The following CLEC2L variants were observed in gnomAD, a reference collection of about 807,000 sequenced individuals.
CLEC2L encodes the protein C-type lectin domain family 2 member L.
A neutral mutation model predicts 23.6 loss-of-function variants in CLEC2L; 14 were observed. The ratio of observed to expected loss-of-function variants is 0.59; its 90% CI spans 0.39 to 0.93. The LOEUF (loss-of-function observed/expected upper bound fraction) is 0.93, where lower values mean the gene tolerates loss of function less well. CLEC2L is among the 40% of genes least tolerant of loss of function. The pLI is 0.00. For synonymous variants in CLEC2L, 114 were observed against 121.3 expected (o/e 0.94, Z 0.40); for missense variants, 264 against 282.4 (o/e 0.93, Z 0.47).
chr7:139,524,026 C>A lies in CLEC2L; in HGVS notation c.99C>A (p.Pro33=). Residue 33 remains proline (P), a synonymous_variant, in exon 1 of 5, where the codon CCC becomes CCA. Coordinates refer to ENST00000422142, the MANE Select transcript of CLEC2L (RefSeq NM_001080511.4). The part of the protein sequence containing the change: ...PAPAAPRPRS[P]AEAEARGPEG... ...CCGCCGCCCCCAGGCCGCGTTCGCC[C>A]GCAGAGGCTGAGGCCCGCGGCCCCG... 2.6e-6 allele frequency: 3 copies of A among 1,174,346 alleles called. No individual in the cohort carries two copies. Among genetic ancestry groups the A allele is most frequent in the Non-Finnish European group, 3.2e-6 (3 of 950,250 alleles). 72.7% of individuals were successfully genotyped at this position (1,174,346 alleles called of 1,614,324 possible).
intron 4 of CLEC2L, among the ~76,000 whole-genome samples, chr7:139,543,109 C>T (rs1437905085): frequency 6.6e-6 from 1 of 152,114 alleles, no homozygotes; most frequent in Non-Finnish European, 1.5e-5. Flanking sequence ...CATCAGCTGC[C>T]CTCCCACCTG....
intron 1 of CLEC2L, among the ~76,000 whole-genome samples, chr7:139,530,511 C>G (rs1202707049): frequency 2.0e-5 from 3 of 152,088 alleles, no homozygotes. Flanking sequence ...GAGGTGAAAT[C>G]TCTCAAGAAA....
At chr7:139,526,259 C>T (rs1268014791) in intron 1 of CLEC2L, among the ~76,000 whole-genome samples, 1 of 152,066 alleles carries the variant, frequency 6.6e-6, no homozygotes, top group Non-Finnish European at 1.5e-5. Context: ...GAAAGGTGTC[C>T]CAGACCCAGA....
chr7:139,542,672 C>T (rs182102647), intron 4 of CLEC2L, among the ~76,000 whole-genome samples: 1 of 152,334 alleles, frequency 6.6e-6, no homozygotes, highest in Admixed American at 6.5e-5. Flanking sequence ...CTGGCGAACG[C>T]ATCTCTTGAT....
intron 4 of CLEC2L, 94 bp from the exon 5 acceptor site, chr7:139,544,137 G>T (rs1797774786): frequency 1.2e-6 from 1 of 813,924 alleles, no homozygotes; most frequent in Non-Finnish European, 2.0e-6. Flanking sequence ...GTGAGGGAGG[G>T]ATAGGTCACA....
At chr7:139,538,055 A>G (rs1401660326) in intron 2 of CLEC2L, among the ~76,000 whole-genome samples, 1 of 152,220 alleles carries the variant, frequency 6.6e-6, no homozygotes, top group Non-Finnish European at 1.5e-5. Flanking sequence ...AAAATGGCGG[A>G]AAAGTCCACC....
intron 1 of CLEC2L, among the ~76,000 whole-genome samples, chr7:139,527,535 T>C (rs1015060525): frequency 6.6e-6 from 1 of 152,212 alleles, no homozygotes; most frequent in Admixed American, 6.5e-5. Flanking sequence ...ATCAAGTCTT[T>C]TCTCTCGCTG....
At chr7:139,533,948 C>G (rs532048865) in intron 1 of CLEC2L, among the ~76,000 whole-genome samples, 25 of 152,198 alleles carry the variant, frequency 1.6e-4, no homozygotes, top group African/African-American at 5.8e-4. Flanking sequence ...AAAACACTTT[C>G]AAAGTGGGGG....
intron 2 of CLEC2L, among the ~76,000 whole-genome samples, chr7:139,536,996 A>C (rs1008708994): frequency 2.0e-5 from 3 of 151,572 alleles, no homozygotes; most frequent in African/African-American, 7.3e-5. Flanking sequence ...AAAAAAAAAA[A>C]AAAAGATCAC....
rs1162840060 is a variant in CLEC2L, at chr7:139,523,780, C to T, written c.-148C>T. On this transcript the variant is annotated 5_prime_UTR_variant, in exon 1 of 5. Transcript: ENST00000422142. This position sits in a 1 kb window ranked among gnomAD's most constrained non-coding sequence, Gnocchi z 4.1. ...AGAGGCTCCAGCGCGGGGAGCCGGG[C>T]TCAGCCCCGGCCTGCCAGCGCCGCG... 2.6e-6 allele frequency: 1 copy of T among 385,562 alleles called. No homozygotes were observed. The highest frequency in any genetic ancestry group is 2.2e-5 in the African/African-American group (1 of 45,766). The allele number at this position is 385,562 out of a possible 1,614,324, so 23.9% of individuals were successfully genotyped here.
At chr7:139,532,774 C>T (rs1357313159) in intron 1 of CLEC2L, among the ~76,000 whole-genome samples, 1 of 152,152 alleles carries the variant, frequency 6.6e-6, no homozygotes, top group South Asian at 2.1e-4. Flanking sequence ...GTCAGCAAGC[C>T]AGGAAGTGGG....
chr7:139,526,025 C>T (rs1230792307), intron 1 of CLEC2L, among the ~76,000 whole-genome samples: 1 of 152,246 alleles, frequency 6.6e-6, no homozygotes, highest in Non-Finnish European at 1.5e-5. Context: ...CCTCCCCTTC[C>T]TTCCCCTGGT....
intron 2 of CLEC2L, among the ~76,000 whole-genome samples, chr7:139,537,092 T>A (rs1255025339): frequency 6.7e-6 from 1 of 150,292 alleles, no homozygotes; most frequent in Non-Finnish European, 1.5e-5. Context: ...AATATGACAC[T>A]GTCTCCTCTG....
chr7:139,537,324 TG>T (rs145485624), intron 2 of CLEC2L, among the ~76,000 whole-genome samples: 5,862 of 152,250 alleles, frequency 0.039, 381 homozygotes, highest in African/African-American at 0.13. Flanking sequence ...AGGTAACCAA[TG>T]TTTATTAATA....
At chr7:139,528,770 G>A (rs144047744) in intron 1 of CLEC2L, among the ~76,000 whole-genome samples, 1 of 152,168 alleles carries the variant, frequency 6.6e-6, no homozygotes, top group African/African-American at 2.4e-5. Flanking sequence ...AAGCCAAGGA[G>A]TGCCAAAGTC....
At chr7:139,526,346 G>A (rs1407385205) in intron 1 of CLEC2L, among the ~76,000 whole-genome samples, 2 of 152,080 alleles carry the variant, frequency 1.3e-5, no homozygotes, top group Admixed American at 1.3e-4. Flanking sequence ...ACTGGGGTGG[G>A]GCAGGGTAGA....
rs1027188368 is a variant in CLEC2L, at chr7:139,544,984, C to T, written c.*642C>T. 1 of 152,272 alleles carries T rather than the reference C, an allele frequency of 6.6e-6. No homozygotes were observed. Among genetic ancestry groups the T allele is most frequent in the Non-Finnish European group, 1.5e-5 (1 of 68,092 alleles). 9.4% of individuals were successfully genotyped at this position (152,272 alleles called of 1,614,324 possible). On this transcript the variant is annotated 3_prime_UTR_variant, in exon 5 of 5. Transcript: ENST00000422142. ...CTAACGGAATAAAGAGTTAATATCT[C>T]ATGTCCAGAGAAGTCTGCCGCCATT...
chr7:139,527,631 A>G (rs7809215), intron 1 of CLEC2L, among the ~76,000 whole-genome samples: 19,374 of 152,096 alleles, frequency 0.13, 2,856 homozygotes, highest in African/African-American at 0.36. Context: ...GAACAAGAGA[A>G]GTGATTCGAG....
chr7:139,525,347 GGTAAT>G (rs1203609109), intron 1 of CLEC2L, among the ~76,000 whole-genome samples: 3 of 152,300 alleles, frequency 2.0e-5, no homozygotes, highest in African/African-American at 7.2e-5. Context: ...AGGTGGGGAT[GGTAAT>G]GCCAGCCTTC....
Sources: gnomAD v4.1 joint callset for allele counts (sites outside exome capture counted in the v4.1 genomes callset) on GRCh38, gnomAD v4.1.1 for gene constraint, Gnocchi (gnomAD v3.1) non-coding constraint, MANE v1.5 for transcripts, NCBI Gene and HGNC (gene_info 2026-07-23, HGNC 2026-07-21) for gene names.